Variants in DPP10 observed in about 807,000 individuals in gnomAD.
The protein encoded by DPP10 is dipeptidyl peptidase like 10.
In DPP10, 33 loss-of-function variants were observed where a neutral mutation model predicts 120.9. The ratio of observed to expected loss-of-function variants is 0.27; its 90% CI spans 0.21 to 0.37. The LOEUF is 0.37. Ranked by LOEUF, DPP10 falls within the 10% of genes least tolerant of loss-of-function variation. The pLI is 1.00. For missense variants in DPP10, 816 were observed against 942.8 expected, an observed-to-expected ratio of 0.87 and a Z score of 1.76; for synonymous variants, 337 against 326.1, an observed-to-expected ratio of 1.03 and a Z score of -0.36.
chr2:115,527,002 A>T (rs2078170402), intron 5 of DPP10, among the ~76,000 whole-genome samples: 1 of 152,144 alleles, frequency 6.6e-6, no homozygotes. Flanking sequence ...TGTTATAGTA[A>T]GAAAAATACT....
intron 7 of DPP10, among the ~76,000 whole-genome samples, chr2:115,699,047 A>AAAAAAAAAAAAAAAG (rs2091759141): frequency 7.0e-6 from 1 of 143,802 alleles, no homozygotes; most frequent in Non-Finnish European, 1.5e-5. Flanking sequence ...AAAAAAAAAA[A>AAAAAAAAAAAAAAAG]AACAAGAGAA....
intron 1 of DPP10, among the ~76,000 whole-genome samples, chr2:114,570,701 C>T (rs1328059791): frequency 2.6e-5 from 4 of 150,994 alleles, no homozygotes; most frequent in East Asian, 2.0e-4. Flanking sequence ...GGCGTGGTGG[C>T]GGGCGCCTGT....
At chr2:114,628,345 C>A (rs544049984) in intron 1 of DPP10, among the ~76,000 whole-genome samples, 85 of 152,156 alleles carry the variant, frequency 5.6e-4, no homozygotes, top group African/African-American at 1.8e-3. Context: ...CATCCAGATT[C>A]TTTAGGAAGC....
chr2:114,863,892 C>CA (rs1247143168), intron 1 of DPP10, among the ~76,000 whole-genome samples: 1 of 152,164 alleles, frequency 6.6e-6, no homozygotes, highest in African/African-American at 2.4e-5. Flanking sequence ...CTGCTTGGGA[C>CA]AGGGCCTGAA....
Position 114,811,133 on chromosome 2 carries a change from A to ATG in DPP10, c.60+368298_60+368299dup, listed in dbSNP as rs557766099. 1.3e-3 allele frequency among the ~76,000 whole-genome samples: 195 copies of ATG among 152,308 alleles called. 3 individuals carry two copies. Among genetic ancestry groups the ATG allele is most frequent in the African/African-American group, 4.5e-3 (186 of 41,562 alleles). On this transcript the variant is annotated intron_variant, in intron 1 of 25. Coordinates refer to ENST00000410059, the MANE Select transcript of DPP10 (RefSeq NM_020868.6). ...GTAAACTTTCACAGGACAGGAGAAGATGTGAGATTCTCAGCTTCTCCTCCC... is the reference window on the plus strand; with the variant it reads ...GTAAACTTTCACAGGACAGGAGAAGATGTGTGAGATTCTCAGCTTCTCCTCCC...
chr2:115,341,257 T>A (rs1236498154), intron 2 of DPP10, among the ~76,000 whole-genome samples: 1 of 152,082 alleles, frequency 6.6e-6, no homozygotes, highest in Non-Finnish European at 1.5e-5. Flanking sequence ...AGGGTTTTTT[T>A]AATAGTTTTT....
At chr2:115,694,855 C>T (rs1044158605) in intron 7 of DPP10, among the ~76,000 whole-genome samples, 4 of 152,154 alleles carry the variant, frequency 2.6e-5, no homozygotes, top group African/African-American at 9.7e-5. Flanking sequence ...TGCTTATGTT[C>T]CTGGAGCATG....
chr2:114,939,961 C>T (rs1696772084), intron 1 of DPP10, among the ~76,000 whole-genome samples: 1 of 152,122 alleles, frequency 6.6e-6, no homozygotes, highest in African/African-American at 2.4e-5. Context: ...TGTTAGTCTA[C>T]AGTGGATCAT....
intron 5 of DPP10, among the ~76,000 whole-genome samples, chr2:115,674,313 G>A (rs1046164845): frequency 3.3e-5 from 5 of 150,856 alleles, no homozygotes; most frequent in South Asian, 2.1e-4. Flanking sequence ...GTTTTCTAGT[G>A]TCAACATGGC....
chr2:114,879,943 A>ATGAT (rs985962745), intron 1 of DPP10, among the ~76,000 whole-genome samples: 4 of 152,156 alleles, frequency 2.6e-5, no homozygotes, highest in African/African-American at 9.7e-5. Flanking sequence ...AAAGACTAAG[A>ATGAT]TGATTGTACA....
At chr2:114,476,385 TA>T (rs1349237154) in intron 1 of DPP10, among the ~76,000 whole-genome samples, 3 of 152,172 alleles carry the variant, frequency 2.0e-5, no homozygotes, top group African/African-American at 7.2e-5. Context: ...GCACATCAAA[TA>T]AAAAGTAGTT....
At chr2:114,449,067 C>T (rs1389843550) in intron 1 of DPP10, among the ~76,000 whole-genome samples, 3 of 152,066 alleles carry the variant, frequency 2.0e-5, no homozygotes, top group Non-Finnish European at 4.4e-5. Flanking sequence ...TGGTTTGGGG[C>T]CATCTGGTAA....
rs917520430 is a variant in DPP10, at chr2:114,946,849, T to A, written c.61-362390T>A. Reference sequence around the variant, plus strand: ...CTTTCTTTCTTTTTTGCTGTAAGGGTTATATAGAATTGGCATTATTCTTCC... The same window carrying A: ...CTTTCTTTCTTTTTTGCTGTAAGGGATATATAGAATTGGCATTATTCTTCC... On this transcript the variant is annotated intron_variant, in intron 1 of 25. Transcript: ENST00000410059. Among the ~76,000 whole-genome samples, 6 of 152,188 alleles carry A rather than the reference T, an allele frequency of 3.9e-5. No homozygotes were observed. In the East Asian group the frequency reaches 1.2e-3, roughly 29 times the overall value.
chr2:115,410,397 A>G (rs989380852), intron 3 of DPP10, among the ~76,000 whole-genome samples: 8 of 152,168 alleles, frequency 5.3e-5, no homozygotes, highest in Admixed American at 1.3e-4. Context: ...CCAAGCACCC[A>G]TGTTCTCAGT....
intron 1 of DPP10, chr2:115,066,920 G>A (rs1334184310): frequency 1.3e-5 from 2 of 152,110 alleles, no homozygotes; most frequent in East Asian, 3.9e-4. Context: ...TTTTTGTGGT[G>A]AGAACATTTA....
chr2:115,648,597 A>C (rs559634692), intron 5 of DPP10, among the ~76,000 whole-genome samples: 1 of 151,748 alleles, frequency 6.6e-6, no homozygotes, highest in African/African-American at 2.4e-5. Flanking sequence ...AATCCTGCAC[A>C]TGTACCCCGG....
chr2:115,539,119 G>T (rs1291625121), intron 5 of DPP10, among the ~76,000 whole-genome samples: 2 of 151,800 alleles, frequency 1.3e-5, no homozygotes, highest in African/African-American at 4.8e-5. Flanking sequence ...AGGGCTTATT[G>T]GAAAACACCT....
intron 3 of DPP10, among the ~76,000 whole-genome samples, chr2:115,391,646 A>G (rs576826557): frequency 2.0e-5 from 3 of 152,010 alleles, no homozygotes; most frequent in Non-Finnish European, 4.4e-5. Context: ...GATGTTTATA[A>G]TAGTGTTATT....
At chr2:114,554,687 A>G (rs949086979) in intron 1 of DPP10, among the ~76,000 whole-genome samples, 15 of 152,164 alleles carry the variant, frequency 9.9e-5, no homozygotes, top group African/African-American at 3.6e-4. Flanking sequence ...GAGACATGGC[A>G]TGTCCTCAAA....
Sources: gnomAD v4.1 joint callset for allele counts (sites outside exome capture counted in the v4.1 genomes callset) on GRCh38, gnomAD v4.1.1 for gene constraint, MANE v1.5 for transcripts, NCBI Gene and HGNC (gene_info 2026-07-23, HGNC 2026-07-21) for gene names.